DNMT3B: variants seen among roughly 807,000 people sequenced by gnomAD.
DNMT3B encodes the protein DNA methyltransferase 3 beta.
Under a neutral mutation model 120.2 loss-of-function variants are expected in DNMT3B, and 37 were observed. That is an observed-to-expected ratio of 0.31 (90% CI 0.24 to 0.40). The LOEUF (loss-of-function observed/expected upper bound fraction) is 0.40. Among genes scored for constraint, DNMT3B ranks in the 10% least tolerant of loss-of-function variants. The probability of loss-of-function intolerance (pLI) is 1.00; values close to 1 mark genes in which losing one functional copy is unlikely to be tolerated. For synonymous variants in DNMT3B, 412 were observed against 442.8 expected, an observed-to-expected ratio of 0.93 and a Z score of 0.87; for missense variants, 878 against 1,137.3, an observed-to-expected ratio of 0.77 and a Z score of 3.28.
intron 1 of DNMT3B, chr20:32,779,961 C>A: frequency 2.1e-6 from 2 of 966,106 alleles, no homozygotes; most frequent in Non-Finnish European, 3.2e-6. Flanking sequence ...GGGACAGAGG[C>A]TGGCGGCAGA....
Position 32,771,361 on chromosome 20 carries a change from C to T in DNMT3B, c.-7+8662C>T, listed in dbSNP as rs1219859103. Among the ~76,000 whole-genome samples the T allele has an allele frequency of 6.6e-5, 10 of 152,272 alleles. No homozygotes were observed. The East Asian group carries it at 1.9e-3, about 29-fold the overall frequency. On this transcript the variant is annotated intron_variant, in intron 1 of 22. Transcript: ENST00000328111. Reference sequence around the variant, plus strand: ...TAGTGATTAAAAGTAGTGGCAATGGCTGGGTGCAGTGGCTCACACCTGTAA... The same window carrying T: ...TAGTGATTAAAAGTAGTGGCAATGGTTGGGTGCAGTGGCTCACACCTGTAA...
At chr20:32,800,758 C>T (rs1447318361) in intron 17 of DNMT3B, 77 bp from the exon 18 acceptor site, 20 of 1,509,496 alleles carry the variant, frequency 1.3e-5, no homozygotes, top group African/African-American at 4.1e-5. Context: ...TCCAGCCCCA[C>T]GCAAGATTCT....
At position 32,780,992 on chromosome 20, in the gene DNMT3B, C is replaced by T. The variant is rs186446965; in HGVS notation, c.143-361C>T. On this transcript the variant is annotated intron_variant, in intron 2 of 22. Coordinates refer to ENST00000328111, the MANE Select transcript of DNMT3B (RefSeq NM_006892.4). ...TCTGCATTGTTCCCCACAATAGCCACACTCTACATGGGAGCACTTGAGAAG... is the reference window on the plus strand; with the variant it reads ...TCTGCATTGTTCCCCACAATAGCCATACTCTACATGGGAGCACTTGAGAAG... Among the ~76,000 whole-genome samples, 15 of 152,324 alleles carry T rather than the reference C, an allele frequency of 9.8e-5. No homozygotes were observed. The East Asian group carries it at 2.9e-3, about 29-fold the overall frequency.
At chr20:32,800,095 A>T (rs1388810101) in intron 16 of DNMT3B, 58 bp from the exon 17 acceptor site, 16 of 1,610,546 alleles carry the variant, frequency 9.9e-6, no homozygotes, top group Non-Finnish European at 1.2e-5. Context: ...GAGTGGAGGA[A>T]ATGAGCTGCT....
At chr20:32,772,873 C>CGTTT (rs1568822680) in intron 1 of DNMT3B, among the ~76,000 whole-genome samples, 1 of 97,584 alleles carries the variant, frequency 1.0e-5, no homozygotes, top group African/African-American at 5.1e-5. Flanking sequence ...TGTTTGGACA[C>CGTTT]ATTTTTTTTT....
intron 1 of DNMT3B, among the ~76,000 whole-genome samples, chr20:32,768,096 C>T (rs1382662045): frequency 1.3e-5 from 2 of 152,176 alleles, no homozygotes; most frequent in Admixed American, 1.3e-4. Context: ...CAGCTTACTG[C>T]AGCCTTGAAC....
chr20:32,786,758 T>TTTTTC (rs1979344722), intron 5 of DNMT3B, 131 bp downstream of exon 5: 1 of 1,482,894 alleles, frequency 6.7e-7, no homozygotes. Flanking sequence ...AGGTTCTTGC[T>TTTTTC]TTTTCTTTTC....
At chr20:32,781,018 C>T (rs567610074) in intron 2 of DNMT3B, among the ~76,000 whole-genome samples, 22 of 152,326 alleles carry the variant, frequency 1.4e-4, no homozygotes, top group Admixed American at 1.2e-3. Context: ...ACTTGAGAAG[C>T]GGCTGACACA....
intron 1 of DNMT3B, among the ~76,000 whole-genome samples, chr20:32,771,416 G>A (rs1056615408): frequency 1.1e-4 from 16 of 152,198 alleles, no homozygotes; most frequent in African/African-American, 2.9e-4. Context: ...TGAGGTGGGC[G>A]GATCGCCTGA....
chr20:32,781,300 C>T, intron 2 of DNMT3B, 53 bp from the exon 3 acceptor site: 1 of 1,603,752 alleles, frequency 6.2e-7, no homozygotes, highest in Non-Finnish European at 8.5e-7. Context: ...AAGGCCGTTC[C>T]CCAGACTGGT....
At chr20:32,806,612 C>T (rs965395920) in intron 22 of DNMT3B, among the ~76,000 whole-genome samples, 11 of 152,298 alleles carry the variant, frequency 7.2e-5, no homozygotes, top group African/African-American at 1.7e-4. Context: ...TGGGACACTA[C>T]GATGTGTGAG....
intron 1 of DNMT3B, among the ~76,000 whole-genome samples, chr20:32,763,904 G>C (rs995115718): frequency 6.6e-6 from 1 of 152,216 alleles, no homozygotes; most frequent in African/African-American, 2.4e-5. Context: ...TTCTGGATGC[G>C]GTGGGTTGTG....
chr20:32,788,780 A>AC, intron 6 of DNMT3B, 74 bp from the exon 7 acceptor site: 1 of 1,591,992 alleles, frequency 6.3e-7, no homozygotes. Flanking sequence ...GCCCTCAGGG[A>AC]CAGTGGAGTG....
At chr20:32,785,262 A>T (rs561663566) in intron 4 of DNMT3B, among the ~76,000 whole-genome samples, 3 of 152,026 alleles carry the variant, frequency 2.0e-5, no homozygotes, top group South Asian at 2.1e-4. Context: ...CTGGTCTCGA[A>T]CTCTTGACCT....
chr20:32,765,711 C>T (rs1455746022), intron 1 of DNMT3B, among the ~76,000 whole-genome samples: 1 of 148,882 alleles, frequency 6.7e-6, no homozygotes, highest in Non-Finnish European at 1.5e-5. Flanking sequence ...GTGGCTGTTA[C>T]ACCCGGCTGC....
At chr20:32,796,952 A>G in intron 13 of DNMT3B, 83 bp downstream of exon 13, 1 of 1,613,844 alleles carries the variant, frequency 6.2e-7, no homozygotes, top group South Asian at 1.1e-5. Context: ...ACCTGTGTGG[A>G]GACTCAGTGA....
At chr20:32,768,723 G>GCTACA (rs1987538875) in intron 1 of DNMT3B, among the ~76,000 whole-genome samples, 3 of 152,074 alleles carry the variant, frequency 2.0e-5, no homozygotes, top group Admixed American at 1.3e-4. Context: ...CACTAACTAG[G>GCTACA]GTCCCACTGA....
chr20:32,778,337 G>C (rs1337847413), intron 1 of DNMT3B, among the ~76,000 whole-genome samples: 1 of 149,518 alleles, frequency 6.7e-6, no homozygotes, highest in Non-Finnish European at 1.5e-5. Flanking sequence ...CTGCACTGCA[G>C]CCTGGCGACA....
rs202113400 is a variant in DNMT3B, at chr20:32,787,313, C to T, written c.516C>T (p.Asp172=). 66 of 1,614,022 alleles carry T rather than the reference C, an allele frequency of 4.1e-5. No individual in the cohort carries two copies. The East Asian group carries it at 4.5e-4, about 11-fold the overall frequency. Residue 172 remains aspartate (D), a synonymous_variant, in exon 6 of 23, where the codon GAC becomes GAT. Coordinates refer to ENST00000328111, the MANE Select transcript of DNMT3B (RefSeq NM_006892.4). ...CTTACCTTACCATCGACCTCACAGA[C>T]GACACAGAGGACACACATGGGACGC... is the stretch of plus-strand genomic sequence containing the variant. ...PSSYLTIDLT[D]DTEDTHGTPQ... is the part of the protein sequence containing the mutation.
Sources: gnomAD v4.1 joint callset for allele counts (sites outside exome capture counted in the v4.1 genomes callset) on GRCh38, gnomAD v4.1.1 for gene constraint, MANE v1.5 for transcripts, NCBI Gene and HGNC (gene_info 2026-07-23, HGNC 2026-07-21) for gene names.